The following SLIT3 variants were observed in gnomAD, a reference collection of about 807,000 sequenced individuals.
SLIT3 encodes slit guidance ligand 3.
In SLIT3, 68 loss-of-function variants were observed where a neutral mutation model predicts 184.0. The observed-to-expected ratio is 0.37, with a 90% CI of 0.30 to 0.45. The LOEUF (loss-of-function observed/expected upper bound fraction) is 0.45. Among genes scored for constraint, SLIT3 ranks in the 20% least tolerant of loss-of-function variants. The pLI, the probability that SLIT3 is intolerant of heterozygous loss-of-function variation, is 1.00. For missense variants in SLIT3, 1,707 were observed against 2,026.0 expected, an observed-to-expected ratio of 0.84 and a Z score of 3.02; for synonymous variants, 831 against 828.6, an observed-to-expected ratio of 1.00 and a Z score of -0.05.
intron 3 of SLIT3, among the ~76,000 whole-genome samples, chr5:169,223,267 G>GA (rs1764678100): frequency 1.3e-5 from 2 of 152,200 alleles, no homozygotes; most frequent in African/African-American, 4.8e-5. Flanking sequence ...CATCTCTGCA[G>GA]AAAGCCTTGG....
chr5:169,086,419 A>G (rs1233286094), intron 4 of SLIT3, among the ~76,000 whole-genome samples: 2 of 152,252 alleles, frequency 1.3e-5, no homozygotes, highest in Non-Finnish European at 2.9e-5. Context: ...TTCTGGAAAT[A>G]TAACACCAAT....
chr5:168,870,210 C>T (rs552657188), intron 5 of SLIT3, among the ~76,000 whole-genome samples: 4 of 152,238 alleles, frequency 2.6e-5, no homozygotes, highest in East Asian at 1.9e-4. Flanking sequence ...GACTGGCTCA[C>T]GATGTCTTCA....
chr5:169,272,932 C>T (rs1340930137), intron 1 of SLIT3, among the ~76,000 whole-genome samples: 1 of 152,156 alleles, frequency 6.6e-6, no homozygotes, highest in Non-Finnish European at 1.5e-5. Context: ...AGTCAACCTG[C>T]TGGGGTGGGA....
chr5:168,662,586 T>C lies in SLIT3; in HGVS notation c.*3868A>G, dbSNP rs903933212. On this transcript the variant is annotated 3_prime_UTR_variant, in exon 36 of 36. Transcript: ENST00000519560. ...AAACTGTCTTCTAACAAGGGCCTTT[T>C]GGCATGTCCATAACAGCAACAACAA... is the stretch of plus-strand genomic sequence containing the variant. The C allele has an allele frequency of 3.3e-5, 5 of 152,244 alleles. No individual in the cohort carries two copies. The East Asian group carries it at 9.6e-4, about 29-fold the overall frequency. 9.4% of individuals were successfully genotyped at this position (152,244 alleles called of 1,614,324 possible). A position where few individuals can be genotyped will look rare whatever the true frequency, so the allele number is the denominator to read the frequency against.
intron 6 of SLIT3, among the ~76,000 whole-genome samples, chr5:168,837,409 G>A (rs540772315): frequency 2.0e-5 from 3 of 152,252 alleles, no homozygotes; most frequent in Admixed American, 6.5e-5. Context: ...AATTTTCACT[G>A]TAGCTCCGAT....
chr5:169,094,454 C>T (rs751026663), intron 4 of SLIT3, among the ~76,000 whole-genome samples: 9 of 152,182 alleles, frequency 5.9e-5, no homozygotes, highest in Non-Finnish European at 1.3e-4. Flanking sequence ...CAGAGTGAAA[C>T]CCCGTCTCTA....
intron 4 of SLIT3, chr5:169,026,542 G>C (rs1756831113): frequency 6.6e-6 from 1 of 152,140 alleles, no homozygotes; most frequent in African/African-American, 2.4e-5. Context: ...GACTGCTGAA[G>C]ATCTAGAGTT....
At chr5:168,804,780 G>C (rs1455381906) in intron 9 of SLIT3, among the ~76,000 whole-genome samples, 1 of 152,176 alleles carries the variant, frequency 6.6e-6, no homozygotes. Context: ...ACTCCACTGT[G>C]GTAAGTCGTA....
rs557161179 is a variant in SLIT3, at chr5:168,665,176, C to A, written c.*1278G>T. 3 of 152,308 alleles carry A rather than the reference C, an allele frequency of 2.0e-5. No homozygotes were observed. In the East Asian group the frequency reaches 5.8e-4, roughly 29 times the overall value. 9.4% of individuals were successfully genotyped at this position (152,308 alleles called of 1,614,324 possible). A position where few individuals can be genotyped will look rare whatever the true frequency, so the allele number is the denominator to read the frequency against. On this transcript the variant is annotated 3_prime_UTR_variant, in exon 36 of 36. Transcript: ENST00000519560. ...CCAGAGCCTGTGAGGGCCTAAACTT[C>A]CTTCTTAGTGAACCCAGCTCTACTC...
At position 169,002,322 on chromosome 5, in the gene SLIT3, C is replaced by CAAAA. The variant is rs397999882; in HGVS notation, c.414-118990_414-118987dup. On this transcript the variant is annotated intron_variant, in intron 4 of 35. Transcript: ENST00000519560. ...TGAGCAACAGAACGAGACTCTGTCT[C>CAAAA]AAAAAAAAAAAAAAAAAAAAAAAAA... is the stretch of plus-strand genomic sequence containing the variant. Among the ~76,000 whole-genome samples, 134 of 24,198 alleles carry CAAAA rather than the reference C, an allele frequency of 5.5e-3. 28 individuals carry two copies. Among genetic ancestry groups the CAAAA allele is most frequent in the East Asian group, 0.051 (32 of 630 alleles). The allele number at this position is 24,198 out of a possible 152,430, so 15.9% of individuals were successfully genotyped here.
chr5:169,269,518 A>G (rs1321447697), intron 1 of SLIT3, among the ~76,000 whole-genome samples: 2 of 152,188 alleles, frequency 1.3e-5, no homozygotes, highest in African/African-American at 2.4e-5. Flanking sequence ...CAACTCTCCC[A>G]TCTGTAATAC....
chr5:169,277,645 CCATT>C (rs879300310), intron 1 of SLIT3, among the ~76,000 whole-genome samples: 2 of 152,164 alleles, frequency 1.3e-5, no homozygotes, highest in Non-Finnish European at 2.9e-5. Context: ...TTTTGTTTAT[CCATT>C]CATCTGTTTA....
chr5:168,790,192 C>G (rs1756314220), intron 10 of SLIT3: 1 of 152,460 alleles, frequency 6.6e-6, no homozygotes, highest in Non-Finnish European at 1.5e-5. Context: ...AAACTCTAGG[C>G]TGTGTGATGT....
intron 4 of SLIT3, among the ~76,000 whole-genome samples, chr5:169,149,267 C>G (rs297831): frequency 0.34 from 50,860 of 151,102 alleles, 8,965 homozygotes; most frequent in Middle Eastern, 0.5. Flanking sequence ...GATTGTTTGG[C>G]GGTAAAATTA....
chr5:168,673,445 G>A (rs1761316749), intron 32 of SLIT3, 114 bp from the exon 33 acceptor site: 2 of 994,666 alleles, frequency 2.0e-6, no homozygotes, highest in South Asian at 1.9e-5. Flanking sequence ...CTTTTTATTT[G>A]GAAATAACTT....
At chr5:168,746,451 A>G (rs62378476) in intron 20 of SLIT3, among the ~76,000 whole-genome samples, 3,253 of 20,368 alleles carry the variant, frequency 0.16, 677 homozygotes, top group Middle Eastern at 0.37. Flanking sequence ...TGGGTGTGGC[A>G]GTGTGTGGTG....
intron 20 of SLIT3, among the ~76,000 whole-genome samples, chr5:168,746,385 TGG>T (rs1491446632): frequency 2.4e-3 from 310 of 129,068 alleles, no homozygotes; most frequent in Middle Eastern, 5.0e-3. Flanking sequence ...TGTGGTGGTG[TGG>T]GTGTGTGGTG....
intron 32 of SLIT3, among the ~76,000 whole-genome samples, chr5:168,676,201 T>C (rs1458725069): frequency 6.7e-6 from 1 of 149,790 alleles, no homozygotes; most frequent in Admixed American, 6.7e-5. Context: ...ATCCTTCATC[T>C]ACCCTTCATC....
At chr5:168,968,508 C>T (rs1040331229) in intron 4 of SLIT3, among the ~76,000 whole-genome samples, 1 of 152,176 alleles carries the variant, frequency 6.6e-6, no homozygotes, top group African/African-American at 2.4e-5. Context: ...CTGTTGGGTT[C>T]ATTACAAAGG....
Sources: allele counts gnomAD v4.1 joint callset (sites outside exome capture counted in the v4.1 genomes callset), GRCh38; gene constraint gnomAD v4.1.1; transcripts MANE v1.5; gene names NCBI Gene and HGNC (gene_info 2026-07-23, HGNC 2026-07-21).